SEPSECS: variants seen among roughly 807,000 people sequenced by gnomAD.
SEPSECS encodes Sep (O-phosphoserine) tRNA:Sec (selenocysteine) tRNA synthase.
SEPSECS carries 42 observed loss-of-function variants against 52.1 expected under a neutral mutation model. That is an observed-to-expected ratio of 0.81 (90% CI 0.63 to 1.04). The LOEUF (loss-of-function observed/expected upper bound fraction) is 1.04, where lower values mean the gene tolerates loss of function less well. Ranked by LOEUF, SEPSECS falls within the 50% of genes least tolerant of loss-of-function variation. The probability of loss-of-function intolerance (pLI) is 0.00; values close to 1 mark genes in which losing one functional copy is unlikely to be tolerated. For missense variants in SEPSECS, 590 were observed against 610.6 expected, an observed-to-expected ratio of 0.97 and a Z score of 0.36; for synonymous variants, 216 against 211.4, an observed-to-expected ratio of 1.02 and a Z score of -0.19.
intron 8 of SEPSECS, 40 bp from the exon 9 acceptor site, chr4:25,127,397 T>C (rs774177931): frequency 7.7e-6 from 11 of 1,425,844 alleles, no homozygotes; most frequent in African/African-American, 1.4e-5. Context: ...AAATCAAATA[T>C]CTACTGCCAG....
intron 6 of SEPSECS, among the ~76,000 whole-genome samples, chr4:25,146,515 A>G (rs1433191362): frequency 2.6e-5 from 4 of 152,218 alleles, no homozygotes; most frequent in African/African-American, 7.2e-5. Context: ...GCATATAAAG[A>G]TAAGTGGACA....
At chr4:25,144,905 G>A in intron 7 of SEPSECS, 40 bp from the exon 8 acceptor site, 1 of 1,590,586 alleles carries the variant, frequency 6.3e-7, no homozygotes, top group Non-Finnish European at 8.6e-7. Context: ...ACTGTGGTGG[G>A]GGGGTAGCTT....
At chr4:25,159,905 T>C in intron 1 of SEPSECS, 7 of 1,180,140 alleles carry the variant, frequency 5.9e-6, no homozygotes, top group Non-Finnish European at 7.4e-6. Flanking sequence ...TTATGTGTTC[T>C]GAGTCGTTGA....
chr4:25,138,915 C>A (rs926417294), intron 8 of SEPSECS, among the ~76,000 whole-genome samples: 6 of 152,236 alleles, frequency 3.9e-5, no homozygotes, highest in African/African-American at 1.4e-4. Flanking sequence ...AAAACATAAA[C>A]TCTCAAATAA....
At chr4:25,144,245 CAGA>C (rs1328413861) in intron 8 of SEPSECS, among the ~76,000 whole-genome samples, 1 of 145,356 alleles carries the variant, frequency 6.9e-6, no homozygotes, top group African/African-American at 2.5e-5. Context: ...GAGGCTGAGG[CAGA>C]AGAATGGTTT....
At chr4:25,126,524 T>C (rs776614984) in intron 9 of SEPSECS, among the ~76,000 whole-genome samples, 3 of 152,194 alleles carry the variant, frequency 2.0e-5, no homozygotes, top group Non-Finnish European at 2.9e-5. Context: ...TCTTCAGATA[T>C]ATGTGAAATA....
At chr4:25,157,752 A>G (rs927004698) in intron 2 of SEPSECS, among the ~76,000 whole-genome samples, 3 of 151,908 alleles carry the variant, frequency 2.0e-5, no homozygotes, top group Non-Finnish European at 2.9e-5. Flanking sequence ...TCACCATGTT[A>G]GCCAGGATGG....
intron 2 of SEPSECS, among the ~76,000 whole-genome samples, chr4:25,157,382 T>G (rs2109036454): frequency 6.6e-6 from 1 of 152,236 alleles, no homozygotes; most frequent in African/African-American, 2.4e-5. Context: ...AGTATCTGAC[T>G]GCAACTACAT....
At chr4:25,158,352 G>T (rs1357016793) in intron 2 of SEPSECS, among the ~76,000 whole-genome samples, 1 of 152,176 alleles carries the variant, frequency 6.6e-6, no homozygotes, top group Non-Finnish European at 1.5e-5. Flanking sequence ...TCACAGAAAG[G>T]TTAGTGGACA....
intron 9 of SEPSECS, among the ~76,000 whole-genome samples, chr4:25,126,005 T>C (rs1393987792): frequency 6.6e-6 from 1 of 152,134 alleles, no homozygotes; most frequent in African/African-American, 2.4e-5. Flanking sequence ...ATTTCCAATA[T>C]CAGCCTTCAG....
rs192783657 is a variant in SEPSECS at position 25,129,865 on chromosome 4, G to A, written c.1027-2508C>T. ...ATTTTCATCTCCTATAAAGTAATTA[G>A]GTTACTAATTTAAATGCTCTGTTTG... On this transcript the variant is annotated intron_variant, in intron 8 of 10. Transcript: ENST00000382103. Among the ~76,000 whole-genome samples, 8 of 152,192 alleles carry A rather than the reference G, an allele frequency of 5.3e-5. No homozygotes were observed. In the East Asian group the frequency reaches 1.5e-3, roughly 29 times the overall value.
At position 25,156,942 on chromosome 4, in the gene SEPSECS, A is replaced by G; in HGVS notation, c.302T>C (p.Ile101Thr). The G allele has an allele frequency of 6.2e-7, 1 of 1,612,996 alleles. No homozygotes were observed. The highest frequency in any genetic ancestry group is 8.5e-7 in the Non-Finnish European group (1 of 1,179,050). Residue 101 changes from isoleucine (I) to threonine (T), a missense_variant, in exon 3 of 11, where the codon ATT (isoleucine) becomes ACT (threonine). By Grantham distance (89) the Ile-to-Thr change is moderately conservative (BLOSUM62 -1). Transcript: ENST00000382103. ...TGCAGCTTTTGGTTGCACAGCAGAAATATCACCGGATCGTCCAATGCCATG... is the reference window on the plus strand; with the variant it reads ...TGCAGCTTTTGGTTGCACAGCAGAAGTATCACCGGATCGTCCAATGCCATG... Reference protein sequence around the residue: ...FIHGIGRSGDISAVQPKAAGS... With the variant: ...FIHGIGRSGDTSAVQPKAAGS...
At chr4:25,157,792 G>A (rs1249370414) in intron 2 of SEPSECS, among the ~76,000 whole-genome samples, 2 of 149,182 alleles carry the variant, frequency 1.3e-5, no homozygotes, top group Non-Finnish European at 3.0e-5. Flanking sequence ...TGATCCGCCC[G>A]CCTTGGCCTC....
chr4:25,156,227 AT>A (rs1712624391), intron 3 of SEPSECS, 32 bp from the exon 4 acceptor site: 2 of 1,600,430 alleles, frequency 1.2e-6, no homozygotes, highest in Non-Finnish European at 1.7e-6. Flanking sequence ...GAAATCTGTT[AT>A]CCCGCTAAGC....
chr4:25,125,081 G>A (rs1475660903), intron 10 of SEPSECS, among the ~76,000 whole-genome samples: 2 of 152,026 alleles, frequency 1.3e-5, no homozygotes, highest in Non-Finnish European at 1.5e-5. Flanking sequence ...GTTGTCCTGT[G>A]ATATAAAATC....
chr4:25,131,656 A>C (rs1307360544), intron 8 of SEPSECS, among the ~76,000 whole-genome samples: 1 of 152,188 alleles, frequency 6.6e-6, no homozygotes, highest in African/African-American at 2.4e-5. Flanking sequence ...CAGGGCTGCA[A>C]ATCTAGTAGT....
At chr4:25,134,792 T>G (rs1728768421) in intron 8 of SEPSECS, among the ~76,000 whole-genome samples, 1 of 152,180 alleles carries the variant, frequency 6.6e-6, no homozygotes, top group Non-Finnish European at 1.5e-5. Flanking sequence ...TATTTGGCAT[T>G]ATAATGGCAG....
In SEPSECS at chr4:25,121,472, G is replaced by A. The variant is rs893032638; in HGVS notation, c.*2459C>T. 3.3e-5 allele frequency: 5 copies of A among 152,206 alleles called. No individual in the cohort carries two copies. Among genetic ancestry groups the A allele is most frequent in the Non-Finnish European group, 5.9e-5 (4 of 67,984 alleles). 9.4% of individuals were successfully genotyped at this position (152,206 alleles called of 1,614,324 possible). ...TGGTAATGTATCATCCACTGCCTTC[G>A]TCACAGTACAAAGATAACAAAGGCC... is the stretch of plus-strand genomic sequence containing the variant. On this transcript the variant is annotated 3_prime_UTR_variant, in exon 11 of 11. Transcript: ENST00000382103.
intron 8 of SEPSECS, among the ~76,000 whole-genome samples, chr4:25,144,360 TCTGAC>T (rs1050530398): frequency 6.0e-5 from 9 of 151,234 alleles, no homozygotes; most frequent in Admixed American, 3.3e-4. Flanking sequence ...AGAGCTAACT[TCTGAC>T]CTGATTCTTC....
Sources: allele counts gnomAD v4.1 joint callset (sites outside exome capture counted in the v4.1 genomes callset), GRCh38; gene constraint gnomAD v4.1.1; transcripts MANE v1.5; gene names NCBI Gene and HGNC (gene_info 2026-07-23, HGNC 2026-07-21).